Variants in ZNF891 observed in about 807,000 individuals in gnomAD.
ZNF891 encodes the protein hCG1646157.
For synonymous variants in ZNF891, 199 were observed against 209.0 expected (o/e 0.95, Z 0.41); for missense variants, 589 against 632.7 (o/e 0.93, Z 0.74).
In ZNF891 at chr12:133,121,790, C is replaced by A; in HGVS notation, c.129G>T (p.Met43Ile). 6.5e-7 allele frequency: 1 copy of A among 1,536,846 alleles called. No individual in the cohort carries two copies. Among genetic ancestry groups the A allele is most frequent in the South Asian group, 1.2e-5 (1 of 84,020 alleles). The change falls in exon 2 of 2, where the codon ATG becomes ATT. Residue 43 changes from methionine (M) to isoleucine (I), a missense_variant. Coordinates refer to ENST00000537226, the MANE Select transcript of ZNF891 (RefSeq NM_001277291.2). ...ACTCCACAGCTACATCTTTGAAAGTCATTGGTTCCTGTAACCAGGTTGTCA... is the reference window on the plus strand; with the variant it reads ...ACTCCACAGCTACATCTTTGAAAGTAATTGGTTCCTGTAACCAGGTTGTCA... ...VFLTTWLQEP[M>I]TFKDVAVEFT...
chr12:133,116,675 C>T lies in ZNF891; in HGVS notation c.*3609G>A, dbSNP rs1365377517. 6.6e-6 allele frequency: 1 copy of T among 152,222 alleles called. No individual in the cohort carries two copies. The highest frequency in any genetic ancestry group is 1.5e-5 in the Non-Finnish European group (1 of 68,098). The allele number at this position is 152,222 out of a possible 1,614,324, so 9.4% of individuals were successfully genotyped here. A position where few individuals can be genotyped will look rare whatever the true frequency, so the allele number is the denominator to read the frequency against. On this transcript the variant is annotated 3_prime_UTR_variant, in exon 2 of 2. Transcript: ENST00000537226. The stretch of plus-strand genomic sequence containing the variant: ...TTACAATCTTCTGTATTCCTCAGGC[C>T]AAAGCCAGAAACCCTAAACCCCTGC...
intron 1 of ZNF891, 162 bp from the exon 2 acceptor site, chr12:133,122,186 G>A (rs984104486): frequency 1.7e-6 from 2 of 1,151,206 alleles, no homozygotes; most frequent in African/African-American, 3.1e-5. Context: ...GCAATATAAC[G>A]ATCCTTACCC....
rs529439392 is a variant in ZNF891 at position 133,106,261 on chromosome 12, G to A, written c.*14023C>T. On this transcript the variant is annotated 3_prime_UTR_variant, in exon 2 of 2. Coordinates refer to ENST00000537226, the MANE Select transcript of ZNF891 (RefSeq NM_001277291.2). Reference sequence around the variant, plus strand: ...AGAGCATCCATACAACCAAAACCCCGTATGAATGTAATGAATGTAGGAAAG... The same window carrying A: ...AGAGCATCCATACAACCAAAACCCCATATGAATGTAATGAATGTAGGAAAG... 1.5e-5 allele frequency: 25 copies of A among 1,614,070 alleles called. No homozygotes were observed. The highest frequency in any genetic ancestry group is 6.6e-5 in the South Asian group (6 of 91,080).
At position 133,106,523 on chromosome 12, in the gene ZNF891, A is replaced by G; in HGVS notation, c.*13761T>C. 6.2e-7 allele frequency: 1 copy of G among 1,614,084 alleles called. No homozygotes were observed. On this transcript the variant is annotated 3_prime_UTR_variant, in exon 2 of 2. Coordinates refer to ENST00000537226, the MANE Select transcript of ZNF891 (RefSeq NM_001277291.2). ...TACTGGAGAGAAACCCTATGTATGT[A>G]AGGTATGCAACAAATCCTTCAGCTG... is the stretch of plus-strand genomic sequence containing the variant.
Position 133,120,203 on chromosome 12 carries a change from C to G in ZNF891, c.*81G>C, listed in dbSNP as rs2137617816. ...GAGCCATTTGTAACCTTAAATCGTT[C>G]TTTTAGAGAACAAAGACTGAGACAA... On this transcript the variant is annotated 3_prime_UTR_variant, in exon 2 of 2. Coordinates refer to ENST00000537226, the MANE Select transcript of ZNF891 (RefSeq NM_001277291.2). 4.2e-6 allele frequency: 5 copies of G among 1,191,580 alleles called. No individual in the cohort carries two copies. The East Asian group carries it at 1.3e-4, about 31-fold the overall frequency. The allele number at this position is 1,191,580 out of a possible 1,614,324, so 73.8% of individuals were successfully genotyped here. A position where few individuals can be genotyped will look rare whatever the true frequency, so the allele number is the denominator to read the frequency against.
Position 133,105,956 on chromosome 12 carries a change from A to G in ZNF891, c.*14328T>C. On this transcript the variant is annotated 3_prime_UTR_variant, in exon 2 of 2. Coordinates refer to ENST00000537226, the MANE Select transcript of ZNF891 (RefSeq NM_001277291.2). ...GTGTAAGGACTGTAATAAAACATTC[A>G]GTTACCTTTCATTTCTTATTGAACA... 3 of 1,614,198 alleles carry G rather than the reference A, an allele frequency of 1.9e-6. No homozygotes were observed. The highest frequency in any genetic ancestry group is 1.1e-5 in the South Asian group (1 of 91,084).
In ZNF891 at chr12:133,109,746, A is replaced by G. The variant is rs966110721; in HGVS notation, c.*10538T>C. The G allele has an allele frequency of 6.6e-6, 1 of 152,036 alleles. No homozygotes were observed. The highest frequency in any genetic ancestry group is 6.5e-5 in the Admixed American group (1 of 15,272). The allele number at this position is 152,036 out of a possible 1,614,324, so 9.4% of individuals were successfully genotyped here. Reference sequence around the variant, plus strand: ...ATGAAATGATCTTAGAAACTTGGAAATGCAGAAATAAATAACACTGGAGGG... The same window carrying G: ...ATGAAATGATCTTAGAAACTTGGAAGTGCAGAAATAAATAACACTGGAGGG... On this transcript the variant is annotated 3_prime_UTR_variant, in exon 2 of 2. Transcript: ENST00000537226.
At position 133,105,238 on chromosome 12, in the gene ZNF891, C is replaced by T. The variant is rs1339932228; in HGVS notation, c.*15046G>A. Among the ~76,000 whole-genome samples the T allele has an allele frequency of 6.6e-6, 1 of 152,158 alleles. No homozygotes were observed. Among genetic ancestry groups the T allele is most frequent in the South Asian group, 2.1e-4 (1 of 4,830 alleles). On this transcript the variant is annotated 3_prime_UTR_variant, in exon 2 of 2. Coordinates refer to ENST00000537226, the MANE Select transcript of ZNF891 (RefSeq NM_001277291.2). ...AAATGGTGGTGAAGAAGACTAGCAA[C>T]CTATCCTTCACAAATATTTCCTGAT...
In ZNF891 at chr12:133,113,080, T is replaced by TA. The variant is rs1566332499; in HGVS notation, c.*7203_*7204insT. 4.9e-3 allele frequency: 715 copies of TA among 145,788 alleles called. 7 individuals are homozygous for TA. The highest frequency in any genetic ancestry group is 0.017 in the African/African-American group (682 of 39,478). The allele number at this position is 145,788 out of a possible 1,614,324, so 9.0% of individuals were successfully genotyped here. On this transcript the variant is annotated 3_prime_UTR_variant, in exon 2 of 2. Transcript: ENST00000537226. Reference sequence around the variant, plus strand: ...TCTCAAAAAATATATATATATATATTTATATTTATTTATTAAAAATATATT... The same window carrying TA: ...TCTCAAAAAATATATATATATATATTATATATTTATTTATTAAAAATATATT...
In ZNF891 at chr12:133,113,246, T is replaced by A. The variant is rs1438284128; in HGVS notation, c.*7038A>T. On this transcript the variant is annotated 3_prime_UTR_variant, in exon 2 of 2. Transcript: ENST00000537226. ...GATATTAAAATCATGCTTTAAAAAG[T>A]ATTTATTAAAAAGTTAATGATAGAA... The A allele has an allele frequency of 6.6e-6, 1 of 151,820 alleles. No homozygotes were observed. Among genetic ancestry groups the A allele is most frequent in the Non-Finnish European group, 1.5e-5 (1 of 67,932 alleles). 9.4% of individuals were successfully genotyped at this position (151,820 alleles called of 1,614,324 possible). A position where few individuals can be genotyped will look rare whatever the true frequency, so the allele number is the denominator to read the frequency against.
At position 133,111,968 on chromosome 12, in the gene ZNF891, C is replaced by A. The variant is rs903494704; in HGVS notation, c.*8316G>T. 6.6e-6 allele frequency: 1 copy of A among 152,226 alleles called. No homozygotes were observed. The highest frequency in any genetic ancestry group is 1.5e-5 in the Non-Finnish European group (1 of 68,004). The allele number at this position is 152,226 out of a possible 1,614,324, so 9.4% of individuals were successfully genotyped here. Reference sequence around the variant, plus strand: ...AGATTTTTTTATACAAAAATGTGATCTTTTTAAAACAAATAATTTCAATCT... The same window carrying A: ...AGATTTTTTTATACAAAAATGTGATATTTTTAAAACAAATAATTTCAATCT... On this transcript the variant is annotated 3_prime_UTR_variant, in exon 2 of 2. Coordinates refer to ENST00000537226, the MANE Select transcript of ZNF891 (RefSeq NM_001277291.2).
In ZNF891 at chr12:133,114,593, TAAAACAATGA is replaced by T. The variant is rs1183826762; in HGVS notation, c.*5681_*5690del. The T allele has an allele frequency of 6.6e-6, 1 of 152,152 alleles. No individual in the cohort carries two copies. Among genetic ancestry groups the T allele is most frequent in the Non-Finnish European group, 1.5e-5 (1 of 68,012 alleles). 9.4% of individuals were successfully genotyped at this position (152,152 alleles called of 1,614,324 possible). A position where few individuals can be genotyped will look rare whatever the true frequency, so the allele number is the denominator to read the frequency against. ...TGAACACCTACACTGGGCCAAGTAA[TAAAACAATGA>T]AAAATTTAGACAAAGTTCCCACCTT... is the stretch of plus-strand genomic sequence containing the variant. On this transcript the variant is annotated 3_prime_UTR_variant, in exon 2 of 2. Transcript: ENST00000537226.
At position 133,124,609 on chromosome 12, in the gene ZNF891, A is replaced by G. The variant is rs75560008; in HGVS notation, c.-106-2585T>C. On this transcript the variant is annotated intron_variant, in intron 1 of 1. Coordinates refer to ENST00000537226, the MANE Select transcript of ZNF891 (RefSeq NM_001277291.2). ...GCTAATTATCTACAAGGGAATATCA[A>G]TTATACTGACTACAGACTTCTCAGT... Among the ~76,000 whole-genome samples the G allele has an allele frequency of 7.5e-3, 1,132 of 151,766 alleles. 12 individuals carry two copies. The highest frequency in any genetic ancestry group is 0.026 in the African/African-American group (1,080 of 41,432).
In ZNF891 at chr12:133,106,648, G is replaced by C; in HGVS notation, c.*13636C>G. 2.5e-6 allele frequency: 4 copies of C among 1,572,670 alleles called. No individual in the cohort carries two copies. The highest frequency in any genetic ancestry group is 3.4e-6 in the Non-Finnish European group (4 of 1,165,266). On this transcript the variant is annotated 3_prime_UTR_variant, in exon 2 of 2. Coordinates refer to ENST00000537226, the MANE Select transcript of ZNF891 (RefSeq NM_001277291.2). ...ACCACTCATTCCTTACTGAACACCAGTGAATTTACACTGCAAAGAAAAACT... is the reference window on the plus strand; with the variant it reads ...ACCACTCATTCCTTACTGAACACCACTGAATTTACACTGCAAAGAAAAACT...
chr12:133,108,809 T>C lies in ZNF891; in HGVS notation c.*11475A>G, dbSNP rs1955658504. ...ATACTCTTGTAGGAGAAAAAGCAACTGTATAAATGAATGTAGAGTGAATTT... is the reference window on the plus strand; with the variant it reads ...ATACTCTTGTAGGAGAAAAAGCAACCGTATAAATGAATGTAGAGTGAATTT... On this transcript the variant is annotated 3_prime_UTR_variant, in exon 2 of 2. Transcript: ENST00000537226. The C allele has an allele frequency of 6.6e-6, 1 of 152,204 alleles. No individual in the cohort carries two copies. Among genetic ancestry groups the C allele is most frequent in the Non-Finnish European group, 1.5e-5 (1 of 68,022 alleles). The allele number at this position is 152,204 out of a possible 1,614,324, so 9.4% of individuals were successfully genotyped here. A position where few individuals can be genotyped will look rare whatever the true frequency, so the allele number is the denominator to read the frequency against.
chr12:133,128,522 T>C (rs557358076), intron 1 of ZNF891, among the ~76,000 whole-genome samples: 5 of 152,296 alleles, frequency 3.3e-5, no homozygotes, highest in African/African-American at 1.2e-4. Flanking sequence ...TGATCCCAGC[T>C]ATTCCAGAGG....
rs1196361691 is a variant in ZNF891, at chr12:133,118,942, G to C, written c.*1342C>G. On this transcript the variant is annotated 3_prime_UTR_variant, in exon 2 of 2. Transcript: ENST00000537226. The stretch of plus-strand genomic sequence containing the variant: ...CTTTAAAAAAAATCAGTAAGAGCCA[G>C]GCATGGTAACTCATGCCTGGAATCC... The C allele has an allele frequency of 6.6e-6, 1 of 152,168 alleles. No individual in the cohort carries two copies. Among genetic ancestry groups the C allele is most frequent in the Non-Finnish European group, 1.5e-5 (1 of 68,062 alleles). 9.4% of individuals were successfully genotyped at this position (152,168 alleles called of 1,614,324 possible). A position where few individuals can be genotyped will look rare whatever the true frequency, so the allele number is the denominator to read the frequency against.
chr12:133,121,483 G>A lies in ZNF891; in HGVS notation c.436C>T (p.His146Tyr), dbSNP rs533759969. Residue 146 changes from histidine (H) to tyrosine (Y), a missense_variant, in exon 2 of 2, where the codon CAT (histidine) becomes TAT (tyrosine). Coordinates refer to ENST00000537226, the MANE Select transcript of ZNF891 (RefSeq NM_001277291.2). ...TCTCTTAATGTGGAGGACCAATTAT[G>A]CATTGTGAGTTTTATCATTTTCACT... is the stretch of plus-strand genomic sequence containing the variant. ...NAVKMIKLTM[H>Y]NWSSTLREDW... The A allele has an allele frequency of 6.5e-7, 1 of 1,536,150 alleles. No individual in the cohort carries two copies. The highest frequency in any genetic ancestry group is 8.7e-7 in the Non-Finnish European group (1 of 1,146,926).
rs937109082 is a variant in ZNF891, at chr12:133,107,486, T to C, written c.*12798A>G. 1 of 152,166 alleles carries C rather than the reference T, an allele frequency of 6.6e-6. No homozygotes were observed. Among genetic ancestry groups the C allele is most frequent in the Non-Finnish European group, 1.5e-5 (1 of 68,026 alleles). 9.4% of individuals were successfully genotyped at this position (152,166 alleles called of 1,614,324 possible). On this transcript the variant is annotated 3_prime_UTR_variant, in exon 2 of 2. Coordinates refer to ENST00000537226, the MANE Select transcript of ZNF891 (RefSeq NM_001277291.2). ...TGATTCTGAAAATGTAACTACAATA[T>C]TGACATAAAAAATAAACAGTAGTTT...
Sources: gnomAD v4.1 joint callset for allele counts (sites outside exome capture counted in the v4.1 genomes callset) on GRCh38, gnomAD v4.1.1 for gene constraint, MANE v1.5 for transcripts, NCBI Gene and HGNC (gene_info 2026-07-23, HGNC 2026-07-21) for gene names.